Variants in DAB1 observed in about 807,000 individuals in gnomAD.
The protein encoded by DAB1 is disabled homolog 1.
A neutral mutation model predicts 64.6 loss-of-function variants in DAB1; 15 were observed. The ratio of observed to expected loss-of-function variants is 0.23; its 90% confidence interval spans 0.16 to 0.36. The LOEUF (loss-of-function observed/expected upper bound fraction) is 0.36. DAB1 is among the 10% of genes least tolerant of loss of function. The probability of loss-of-function intolerance (pLI) is 1.00; values close to 1 mark genes in which losing one functional copy is unlikely to be tolerated. For missense variants in DAB1, 596 were observed against 706.7 expected, an observed-to-expected ratio of 0.84 and a Z score of 1.78; for synonymous variants, 235 against 251.9, an observed-to-expected ratio of 0.93 and a Z score of 0.64.
At chr1:57,677,299 G>A (rs1210389935) in intron 6 of DAB1, among the ~76,000 whole-genome samples, 2 of 152,168 alleles carry the variant, frequency 1.3e-5, no homozygotes, top group African/African-American at 2.4e-5. Flanking sequence ...CAGCCCAAGT[G>A]GACTAATACA....
intron 5 of DAB1, among the ~76,000 whole-genome samples, chr1:57,995,091 G>A (rs1215660469): frequency 6.6e-6 from 1 of 152,108 alleles, no homozygotes; most frequent in Non-Finnish European, 1.5e-5. Flanking sequence ...CCCTCTCTGG[G>A]CCTCAGTTTC....
chr1:57,841,119 C>T (rs1653029966), intron 1 of DAB1, among the ~76,000 whole-genome samples: 1 of 152,176 alleles, frequency 6.6e-6, no homozygotes, highest in African/African-American at 2.4e-5. Context: ...GGGCTACAGG[C>T]CCCATGCAAG....
chr1:58,323,696 C>T (rs931194746), intron 4 of DAB1, among the ~76,000 whole-genome samples: 3 of 151,862 alleles, frequency 2.0e-5, no homozygotes, highest in African/African-American at 7.3e-5. Context: ...GAGGTGGCGG[C>T]GGGCAGATCA....
At chr1:58,423,001 C>G (rs1162032281) in intron 3 of DAB1, among the ~76,000 whole-genome samples, 1 of 152,116 alleles carries the variant, frequency 6.6e-6, no homozygotes, top group African/African-American at 2.4e-5. Flanking sequence ...TGCTGCAGCA[C>G]AGAAAAGCAC....
chr1:58,035,440 G>C (rs1376795152), intron 5 of DAB1, among the ~76,000 whole-genome samples: 8 of 152,236 alleles, frequency 5.3e-5, no homozygotes, highest in Non-Finnish European at 7.3e-5. Flanking sequence ...CAGGCAGTTA[G>C]CTAGGCTTTT....
At chr1:58,521,023 C>G (rs2100452118) in intron 2 of DAB1, among the ~76,000 whole-genome samples, 1 of 152,270 alleles carries the variant, frequency 6.6e-6, no homozygotes, top group East Asian at 1.9e-4. Flanking sequence ...GTCATTTTGA[C>G]AAAATTGATC....
intron 7 of DAB1, among the ~76,000 whole-genome samples, chr1:57,640,857 G>T (rs1218676323): frequency 6.6e-6 from 1 of 152,120 alleles, no homozygotes; most frequent in Non-Finnish European, 1.5e-5. Flanking sequence ...AGAATCTAGG[G>T]GCATGCAAGC....
chr1:57,404,260 C>T (rs1274227375), intron 1 of DAB1, among the ~76,000 whole-genome samples: 1 of 152,004 alleles, frequency 6.6e-6, no homozygotes. Flanking sequence ...AATGTATTGA[C>T]AGAATAAACT....
chr1:57,631,139 A>G (rs2101628364), intron 7 of DAB1, among the ~76,000 whole-genome samples: 1 of 152,330 alleles, frequency 6.6e-6, no homozygotes, highest in African/African-American at 2.4e-5. Flanking sequence ...CAGGAAACAT[A>G]GCTCCTTCTC....
rs77083202 is a variant in DAB1 at position 57,837,662 on chromosome 1, A to C, written n.88-11207T>G. Among the ~76,000 whole-genome samples the C allele has an allele frequency of 9.9e-3, 1,513 of 152,158 alleles. 32 individuals carry two copies. The highest frequency in any genetic ancestry group is 0.035 in the African/African-American group (1,448 of 41,498). ...ATCCTCATTATCTGGATATCTGCAC[A>C]TCCTTCTGGCTTCATCTCTTGCTGT... On this transcript the variant is annotated intron_variant and non_coding_transcript_variant, in intron 1 of 1. Coordinates refer to the DAB1 transcript ENST00000477280.
chr1:57,267,398 C>T (rs1670669242), intron 2 of DAB1, among the ~76,000 whole-genome samples: 2 of 152,152 alleles, frequency 1.3e-5, no homozygotes, highest in Admixed American at 6.5e-5. Context: ...GAAATGAACA[C>T]GGAGAGATAT....
chr1:58,364,399 CT>C (rs1228754801), intron 3 of DAB1, among the ~76,000 whole-genome samples: 2 of 152,190 alleles, frequency 1.3e-5, no homozygotes, highest in East Asian at 3.9e-4. Context: ...GTCTTCCAGT[CT>C]GGCAGAAGCT....
At chr1:57,597,963 T>G (rs1645530120) in intron 7 of DAB1, among the ~76,000 whole-genome samples, 1 of 152,154 alleles carries the variant, frequency 6.6e-6, no homozygotes, top group Non-Finnish European at 1.5e-5. Flanking sequence ...TTTATTTATT[T>G]TTTAGTTTAT....
intron 4 of DAB1, among the ~76,000 whole-genome samples, chr1:58,257,548 T>C (rs1267149259): frequency 6.6e-6 from 1 of 152,234 alleles, no homozygotes; most frequent in Non-Finnish European, 1.5e-5. Flanking sequence ...GGGCACAGCA[T>C]GTGCTAAGGG....
At chr1:58,000,157 A>C (rs1319149284) in intron 5 of DAB1, among the ~76,000 whole-genome samples, 1 of 152,210 alleles carries the variant, frequency 6.6e-6, no homozygotes, top group East Asian at 1.9e-4. Flanking sequence ...ATGGCCCTTT[A>C]AAAATAATTG....
intron 2 of DAB1, among the ~76,000 whole-genome samples, chr1:57,269,721 C>T (rs1399478182): frequency 1.3e-5 from 2 of 152,058 alleles, no homozygotes; most frequent in Admixed American, 6.6e-5. Flanking sequence ...CTTTTTCTCC[C>T]GAGAATATTT....
At chr1:57,547,572 G>A (rs963927050) in intron 7 of DAB1, among the ~76,000 whole-genome samples, 4 of 152,232 alleles carry the variant, frequency 2.6e-5, no homozygotes, top group Non-Finnish European at 4.4e-5. Flanking sequence ...CACTTCATTC[G>A]AGTCTCTTCA....
intron 6 of DAB1, among the ~76,000 whole-genome samples, chr1:57,684,142 T>A (rs909994339): frequency 6.6e-6 from 1 of 152,058 alleles, no homozygotes; most frequent in African/African-American, 2.4e-5. Context: ...AACTTATGAC[T>A]CATTGATATT....
At chr1:57,776,225 TG>T (rs1649792167) in intron 6 of DAB1, among the ~76,000 whole-genome samples, 1 of 151,808 alleles carries the variant, frequency 6.6e-6, no homozygotes, top group African/African-American at 2.4e-5. Flanking sequence ...AAATGCTTAT[TG>T]GAGCACTTTG....
Sources: allele counts gnomAD v4.1 joint callset (sites outside exome capture counted in the v4.1 genomes callset), GRCh38; gene constraint gnomAD v4.1.1; transcripts MANE v1.5; gene names NCBI Gene and HGNC (gene_info 2026-07-23, HGNC 2026-07-21).